The following SDK1 variants were observed in gnomAD, a reference collection of about 807,000 sequenced individuals.
SDK1 encodes protein sidekick-1.
In SDK1, 157 loss-of-function variants were observed where a neutral mutation model predicts 245.5. The ratio of observed to expected loss-of-function variants is 0.64; its 90% CI spans 0.56 to 0.73. The LOEUF (loss-of-function observed/expected upper bound fraction) is 0.73, where lower values mean the gene tolerates loss of function less well. SDK1 is among the 30% of genes least tolerant of loss of function. SDK1 has a pLI of 0.00. For missense variants in SDK1, 3,583 were observed against 3,002.3 expected (o/e 1.19, Z -4.52); for synonymous variants, 1,647 against 1,278.5 (o/e 1.29, Z -6.15).
chr7:4,117,727 C>A (rs1332248143), intron 25 of SDK1, among the ~76,000 whole-genome samples: 30 of 152,272 alleles, frequency 2.0e-4, no homozygotes, highest in African/African-American at 6.3e-4. Context: ...TCCAGTGTGT[C>A]TGCAGGTGCC....
At chr7:3,961,198 C>A (rs191619316) in intron 8 of SDK1, among the ~76,000 whole-genome samples, 2 of 152,114 alleles carry the variant, frequency 1.3e-5, no homozygotes, top group Non-Finnish European at 1.5e-5. Context: ...TAGCAGCATG[C>A]GAAGTGGTTA....
chr7:4,166,231 G>A lies in SDK1; in HGVS notation c.4800+4375G>A, dbSNP rs74487863. On this transcript the variant is annotated intron_variant, in intron 32 of 44. Transcript: ENST00000404826. ...GGCAAAGGCAGGGAGGCATCCCGCC[G>A]CTTCAGAACACATCTTGGGGCTGTT... 2.4e-3 allele frequency among the ~76,000 whole-genome samples: 372 copies of A among 152,346 alleles called. 1 individual carries two copies. The highest frequency in any genetic ancestry group is 8.3e-3 in the African/African-American group (345 of 41,572).
In SDK1 at chr7:4,196,177, C is replaced by T. The variant is rs150506630; in HGVS notation, c.5099-9702C>T. On this transcript the variant is annotated intron_variant, in intron 35 of 44. Transcript: ENST00000404826. ...GATGTGACTTAACCCCTCAAGGCCT[C>T]GGCTTGCTTGGTCCCCTGGTCACTG... Among the ~76,000 whole-genome samples, 40 of 152,292 alleles carry T rather than the reference C, an allele frequency of 2.6e-4. No individual in the cohort carries two copies. In the South Asian group the frequency reaches 2.9e-3, roughly 11 times the overall value.
intron 5 of SDK1, among the ~76,000 whole-genome samples, chr7:3,911,359 C>T (rs1779156755): frequency 6.6e-6 from 1 of 152,276 alleles, no homozygotes; most frequent in Middle Eastern, 3.4e-3. Context: ...GACAGAGTGG[C>T]TTGTCAGCAA....
intron 1 of SDK1, among the ~76,000 whole-genome samples, chr7:3,511,728 G>A (rs1185816662): frequency 2.6e-5 from 4 of 151,572 alleles, no homozygotes; most frequent in African/African-American, 9.7e-5. Flanking sequence ...GTTTAAAGAA[G>A]CAAAAAATAA....
chr7:4,176,990 A>G (rs1782254976), intron 34 of SDK1, among the ~76,000 whole-genome samples: 1 of 152,248 alleles, frequency 6.6e-6, no homozygotes, highest in Non-Finnish European at 1.5e-5. Flanking sequence ...GATCGACTTC[A>G]ACACACAGAA....
At chr7:4,056,891 C>T (rs971723321) in intron 19 of SDK1, among the ~76,000 whole-genome samples, 3 of 152,174 alleles carry the variant, frequency 2.0e-5, no homozygotes, top group African/African-American at 7.2e-5. Context: ...CGGCTCCCGA[C>T]AGCCTCTGCA....
chr7:4,218,892 T>G (rs1018523291), intron 38 of SDK1, among the ~76,000 whole-genome samples: 1 of 142,646 alleles, frequency 7.0e-6, no homozygotes, highest in African/African-American at 2.7e-5. Context: ...TATCTAACTG[T>G]TTTTTTTTTT....
At chr7:4,150,616 T>C (rs1780298884) in intron 30 of SDK1, among the ~76,000 whole-genome samples, 1 of 152,210 alleles carries the variant, frequency 6.6e-6, no homozygotes, top group Non-Finnish European at 1.5e-5. Context: ...GCTGCCCGTC[T>C]CAGCCCTTCC....
intron 5 of SDK1, among the ~76,000 whole-genome samples, chr7:3,904,277 G>T (rs537474415): frequency 3.8e-4 from 58 of 152,302 alleles, no homozygotes; most frequent in African/African-American, 1.3e-3. Flanking sequence ...GTTCCCAGGG[G>T]CTGTGGGGAG....
At chr7:4,256,626 A>G (rs1056435907) in intron 44 of SDK1, among the ~76,000 whole-genome samples, 1 of 152,238 alleles carries the variant, frequency 6.6e-6, no homozygotes, top group Non-Finnish European at 1.5e-5. Context: ...ATTTGAGTAC[A>G]ATATAAACCG....
intron 1 of SDK1, among the ~76,000 whole-genome samples, chr7:3,582,682 G>GGAAAAAAAAAAAAAAAAA: frequency 7.4e-5 from 1 of 13,580 alleles, no homozygotes; most frequent in African/African-American, 4.1e-4. Context: ...CTAAACTAAA[G>GGAAAAAAAAAAAAAAAAA]TAAAAAAAAA....
chr7:4,208,009 C>A, intron 36 of SDK1, 90 bp from the exon 37 acceptor site: 5 of 953,080 alleles, frequency 5.2e-6, no homozygotes, highest in South Asian at 1.6e-5. Flanking sequence ...GAACTCAGCT[C>A]ACCCCCTCGC....
At chr7:4,031,208 C>T (rs533921088) in intron 17 of SDK1, among the ~76,000 whole-genome samples, 27 of 152,252 alleles carry the variant, frequency 1.8e-4, no homozygotes, top group African/African-American at 6.3e-4. Flanking sequence ...TCTGTACATC[C>T]TCACACATAC....
At chr7:4,178,898 G>A (rs1039502748) in intron 35 of SDK1, among the ~76,000 whole-genome samples, 3 of 152,224 alleles carry the variant, frequency 2.0e-5, no homozygotes, top group African/African-American at 7.2e-5. Context: ...GGTGATGTAG[G>A]TGTGTGGGAA....
intron 4 of SDK1, among the ~76,000 whole-genome samples, chr7:3,687,905 T>G (rs1784337540): frequency 6.6e-6 from 1 of 152,218 alleles, no homozygotes; most frequent in African/African-American, 2.4e-5. Flanking sequence ...TGCTGTATTT[T>G]TCTTACAGCT....
At chr7:3,754,055 CCAT>C (rs1779850029) in intron 4 of SDK1, among the ~76,000 whole-genome samples, 1 of 152,132 alleles carries the variant, frequency 6.6e-6, no homozygotes, top group African/African-American at 2.4e-5. Context: ...AATGACTAGG[CCAT>C]ATGGAAATTG....
At chr7:4,104,149 C>G (rs929827468) in intron 22 of SDK1, among the ~76,000 whole-genome samples, 1 of 152,182 alleles carries the variant, frequency 6.6e-6, no homozygotes. Context: ...AGCCTAGACC[C>G]TCAGAGCTCA....
intron 19 of SDK1, among the ~76,000 whole-genome samples, chr7:4,059,680 C>T (rs796390544): frequency 8.7e-4 from 133 of 152,176 alleles, no homozygotes; most frequent in African/African-American, 3.1e-3. Flanking sequence ...CAAGACAGAC[C>T]CTATGTTAGG....
Sources: allele counts gnomAD v4.1 joint callset (sites outside exome capture counted in the v4.1 genomes callset), GRCh38; gene constraint gnomAD v4.1.1; transcripts MANE v1.5; gene names NCBI Gene and HGNC (gene_info 2026-07-23, HGNC 2026-07-21).